The following MGAM variants were observed in gnomAD, a reference collection of about 807,000 sequenced individuals.
MGAM encodes the protein maltase-glucoamylase.
MGAM carries 253 observed loss-of-function variants against 358.8 expected under a neutral mutation model. The ratio of observed to expected loss-of-function variants is 0.71; its 90% CI spans 0.64 to 0.78. MGAM has a LOEUF of 0.78. Ranked by LOEUF, MGAM falls within the 30% of genes least tolerant of loss-of-function variation. The pLI is 0.00. For missense variants in MGAM, 3,080 were observed against 3,432.6 expected, an observed-to-expected ratio of 0.90 and a Z score of 2.57; for synonymous variants, 1,105 against 1,227.1, an observed-to-expected ratio of 0.90 and a Z score of 2.08.
chr7:142,005,530 G>C lies in MGAM; in HGVS notation c.-1G>C. Reference sequence around the variant, plus strand: ...AAATTGTTTTCTCTTACATTTTAGAGATGGCAAGAAAGAAGCTGAAAAAAT... The same window carrying C: ...AAATTGTTTTCTCTTACATTTTAGACATGGCAAGAAAGAAGCTGAAAAAAT... On this transcript the variant is annotated splice_region_variant and 5_prime_UTR_variant, in exon 2 of 71. Transcript: ENST00000475668. 1 of 1,530,918 alleles carries C rather than the reference G, an allele frequency of 6.5e-7. No individual in the cohort carries two copies. Among genetic ancestry groups the C allele is most frequent in the Non-Finnish European group, 8.8e-7 (1 of 1,140,454 alleles). 94.8% of individuals were successfully genotyped at this position (1,530,918 alleles called of 1,614,324 possible).
intron 66 of MGAM, among the ~76,000 whole-genome samples, chr7:142,098,912 C>G (rs1816195435): frequency 6.6e-6 from 1 of 152,228 alleles, no homozygotes; most frequent in South Asian, 2.1e-4. Context: ...CTTAATTAAT[C>G]TTCCCAAGTT....
intron 1 of MGAM, among the ~76,000 whole-genome samples, chr7:141,996,296 G>A (rs1362633847): frequency 2.1e-5 from 3 of 142,856 alleles, no homozygotes; most frequent in South Asian, 2.2e-4. Context: ...GCGATACTCC[G>A]TCTCAAAAAA....
At chr7:142,073,964 A>G in intron 44 of MGAM, 121 bp from the exon 45 acceptor site, 2 of 746,902 alleles carry the variant, frequency 2.7e-6, no homozygotes. Flanking sequence ...TTGTACCTCA[A>G]GAAACAGAAC....
At chr7:142,088,538 ACTCT>A (rs1472082890) in intron 57 of MGAM, among the ~76,000 whole-genome samples, 1 of 142,574 alleles carries the variant, frequency 7.0e-6, no homozygotes, top group Non-Finnish European at 1.6e-5. Context: ...TCATCCACCC[ACTCT>A]ATCTATCCAT....
chr7:142,052,932 A>T lies in MGAM; in HGVS notation c.3107A>T (p.Asn1036Ile). 1 of 1,613,782 alleles carries T rather than the reference A, an allele frequency of 6.2e-7. No individual in the cohort carries two copies. The highest frequency in any genetic ancestry group is 8.5e-7 in the Non-Finnish European group (1 of 1,179,836). Reference sequence around the variant, plus strand: ...AATGCCTTCCCCTCCACACCCGTGAACCCCCTTCGCCTGGATGTCACTTAC... The same window carrying T: ...AATGCCTTCCCCTCCACACCCGTGATCCCCCTTCGCCTGGATGTCACTTAC... The part of the protein sequence containing the change: ...YANAFPSTPV[N>I]PLRLDVTYHK... Residue 1036 changes from asparagine (N) to isoleucine (I), a missense_variant, in exon 26 of 71, where the codon AAC becomes ATC. This residue lies in a region of MGAM where 1,816 missense variants were observed against 1,840.5 expected (regional missense o/e 0.99). Coordinates refer to ENST00000475668, the MANE Select transcript of MGAM (RefSeq NM_001365693.1).
chr7:142,016,030 C>A (rs1172989587), intron 3 of MGAM, among the ~76,000 whole-genome samples: 2 of 152,038 alleles, frequency 1.3e-5, no homozygotes, highest in Non-Finnish European at 2.9e-5. Context: ...TGTTATTAAT[C>A]CTTTGTGTGC....
chr7:141,992,328 G>T (rs1233813394), upstream of MGAM, among the ~76,000 whole-genome samples: 1 of 152,142 alleles, frequency 6.6e-6, no homozygotes, highest in Non-Finnish European at 1.5e-5. Flanking sequence ...TGCAATTCAG[G>T]CCTGCCCTGT....
chr7:142,082,545 T>C lies in MGAM; in HGVS notation c.6242T>C (p.Val2081Ala). 2.6e-6 allele frequency: 4 copies of C among 1,526,902 alleles called. 1 individual carries two copies. The highest frequency in any genetic ancestry group is 3.6e-6 in the Non-Finnish European group (4 of 1,117,910). 94.6% of individuals were successfully genotyped at this position (1,526,902 alleles called of 1,614,324 possible). A position where few individuals can be genotyped will look rare whatever the true frequency, so the allele number is the denominator to read the frequency against. The stretch of plus-strand genomic sequence containing the variant: ...GAGGAGGATGGCAGTGCCCATGGAG[T>C]GCTCCTGCTGAACAGCAATGCCATG... The part of the protein sequence containing the change: ...GLEEDGSAHG[V>A]LLLNSNAMDV... Residue 2081 changes from valine to alanine, a missense_variant, in exon 52 of 71, where the codon GTG becomes GCG. Val to Ala is a moderately conservative substitution (Grantham distance 64, BLOSUM62 0). This residue lies in a region of MGAM where 932 missense variants were observed against 1,198.2 expected (regional missense o/e 0.78). Coordinates refer to ENST00000475668, the MANE Select transcript of MGAM (RefSeq NM_001365693.1).
chr7:142,050,472 G>A (rs774520714), intron 23 of MGAM, among the ~76,000 whole-genome samples, 188 bp downstream of exon 23: 1 of 152,180 alleles, frequency 6.6e-6, no homozygotes, highest in Non-Finnish European at 1.5e-5. Context: ...ATAGCAGCTA[G>A]TGTTTCTGAA....
intron 21 of MGAM, among the ~76,000 whole-genome samples, chr7:142,042,058 T>A (rs1452853297): frequency 1.3e-5 from 1 of 74,100 alleles, no homozygotes; most frequent in Non-Finnish European, 2.3e-5. Flanking sequence ...ATAATATATA[T>A]ACATATAATA....
chr7:142,043,975 G>T (rs200527188), intron 21 of MGAM, among the ~76,000 whole-genome samples: 13 of 111,656 alleles, frequency 1.2e-4, no homozygotes, highest in African/African-American at 5.1e-4. Flanking sequence ...CACATACGAC[G>T]TATAATATAT....
chr7:142,101,908 CAAAAAAA>C (rs11452654), intron 68 of MGAM, among the ~76,000 whole-genome samples: 23 of 130,072 alleles, frequency 1.8e-4, no homozygotes, highest in Non-Finnish European at 3.6e-4. Context: ...AACTCTGTCT[CAAAAAAA>C]AAAAAGAAAG....
chr7:142,028,182 T>C (rs190674716), intron 10 of MGAM, among the ~76,000 whole-genome samples: 6 of 152,356 alleles, frequency 3.9e-5, no homozygotes, highest in Admixed American at 2.0e-4. Context: ...AAAAGTGTCA[T>C]GGCAGGGACT....
intron 57 of MGAM, among the ~76,000 whole-genome samples, chr7:142,090,919 G>A (rs68052338): frequency 0.48 from 69,582 of 145,146 alleles, 23,664 homozygotes; most frequent in Middle Eastern, 0.74. Context: ...TATAAAACAA[G>A]CTTCTTGCTC....
rs782294372 is a variant in MGAM, at chr7:142,021,010, C to G, written c.485C>G (p.Pro162Arg). ...TARLKNLPSS[P>R]VFGSNVDNVL... ...CGGTTGAAAAATCTGCCTTCTTCAC[C>G]AGTGTTTGGAAGCAATGTTGACAAT... The change falls in exon 5 of 71, where the codon CCA becomes CGA. Residue 162 changes from proline to arginine, a missense_variant. Pro to Arg is a moderately radical substitution (Grantham distance 103). This residue lies in a region of MGAM where 1,816 missense variants were observed against 1,840.5 expected (regional missense o/e 0.99). Coordinates refer to ENST00000475668, the MANE Select transcript of MGAM (RefSeq NM_001365693.1). 20 of 1,613,550 alleles carry G rather than the reference C, an allele frequency of 1.2e-5. No homozygotes were observed. Among genetic ancestry groups the G allele is most frequent in the Non-Finnish European group, 1.6e-5 (19 of 1,179,726 alleles).
chr7:142,024,251 ACCGAAACAAAAATTAG>A (rs1806740731), intron 7 of MGAM, among the ~76,000 whole-genome samples: 1 of 151,656 alleles, frequency 6.6e-6, no homozygotes, highest in Non-Finnish European at 1.5e-5. Context: ...TAAAATAAAA[ACCGAAACAAAAATTAG>A]CCAGGCGGTA....
At chr7:142,079,539 T>C (rs1297294518) in intron 49 of MGAM, among the ~76,000 whole-genome samples, 1 of 146,100 alleles carries the variant, frequency 6.8e-6, no homozygotes, top group Non-Finnish European at 1.6e-5. Context: ...GGATACTGAA[T>C]TTGAGATACG....
chr7:142,046,073 T>A (rs1216746998), intron 21 of MGAM, among the ~76,000 whole-genome samples: 1 of 142,140 alleles, frequency 7.0e-6, no homozygotes, highest in East Asian at 2.0e-4. Context: ...TAATATATAA[T>A]ATAGAAATTT....
rs1284482276 is a variant in MGAM at position 142,068,294 on chromosome 7, G to C, written c.5005-353G>C. Among the ~76,000 whole-genome samples, 6 of 142,338 alleles carry C rather than the reference G, an allele frequency of 4.2e-5. 1 individual carries two copies. The Admixed American group carries it at 4.3e-4, about 10-fold the overall frequency. The allele number at this position is 142,338 out of a possible 152,430, so 93.4% of individuals were successfully genotyped here. ...TTACAGGCATGAGCCATCGCGCCCG[G>C]CCCCAAAATCTCATTATACCCACAA... is the stretch of plus-strand genomic sequence containing the variant. On this transcript the variant is annotated intron_variant, in intron 42 of 70. Transcript: ENST00000475668.
Sources: gnomAD v4.1 joint callset for allele counts (sites outside exome capture counted in the v4.1 genomes callset) on GRCh38, gnomAD v4.1.1 for gene constraint, gnomAD v4.1.1 regional missense constraint, MANE v1.5 for transcripts, NCBI Gene and HGNC (gene_info 2026-07-23, HGNC 2026-07-21) for gene names.